SLCO1B3: variants seen among roughly 807,000 people sequenced by gnomAD.
The protein encoded by SLCO1B3 is liver-specific organic anion transporter 2.
In SLCO1B3, 72 loss-of-function variants were observed where a neutral mutation model predicts 71.8. The observed-to-expected ratio is 1.00, with a 90% CI of 0.83 to 1.22. SLCO1B3 has a LOEUF of 1.22. Ranked by LOEUF, SLCO1B3 falls within the 50% of genes most tolerant of loss-of-function variation. The pLI is 0.00. For synonymous variants in SLCO1B3, 298 were observed against 278.4 expected (o/e 1.07, Z -0.70); for missense variants, 911 against 819.7 (o/e 1.11, Z -1.36).
chr12:20,842,818 A>G (rs569749463), intron 3 of SLCO1B3, among the ~76,000 whole-genome samples: 1 of 152,044 alleles, frequency 6.6e-6, no homozygotes, highest in Non-Finnish European at 1.5e-5. Flanking sequence ...TATGGTCTGA[A>G]TATTTGTACT....
At position 20,880,853 on chromosome 12, in the gene SLCO1B3, A is replaced by G; in HGVS notation, c.1332-2A>G. On this transcript the variant is annotated splice_acceptor_variant, in intron 11 of 15. Transcript: ENST00000381545. LOFTEE classifies it high-confidence loss of function. The stretch of plus-strand genomic sequence containing the variant: ...TGATATATTTCTATCATATATTTTC[A>G]GAAATAATTCAGTGGCATCTCATGT... 1 of 1,576,448 alleles carries G rather than the reference A, an allele frequency of 6.3e-7. No individual in the cohort carries two copies. The highest frequency in any genetic ancestry group is 8.7e-7 in the Non-Finnish European group (1 of 1,155,710).
At chr12:20,848,529 C>T (rs1363170061) in intron 3 of SLCO1B3, among the ~76,000 whole-genome samples, 46 of 152,132 alleles carry the variant, frequency 3.0e-4, no homozygotes, top group Admixed American at 3.0e-3. Flanking sequence ...TAAAAGCCTG[C>T]ACACAAGTGT....
chr12:20,832,259 T>G (rs1486527068), intron 3 of SLCO1B3, among the ~76,000 whole-genome samples: 1 of 152,204 alleles, frequency 6.6e-6, no homozygotes, highest in Non-Finnish European at 1.5e-5. Context: ...ACAGACTCAG[T>G]GGATGGAAAT....
In SLCO1B3 at chr12:20,890,068, C is replaced by A. The variant is rs140070430; in HGVS notation, c.1682+6466C>A. Among the ~76,000 whole-genome samples the A allele has an allele frequency of 2.0e-5, 3 of 151,968 alleles. No individual in the cohort carries two copies. In the East Asian group the frequency reaches 5.8e-4, roughly 30 times the overall value. ...TAGTAGCTGGGATTAAAGACCTGTGCCACCACACCCAGCTAATTTTTTTTA... is the reference window on the plus strand; with the variant it reads ...TAGTAGCTGGGATTAAAGACCTGTGACACCACACCCAGCTAATTTTTTTTA... On this transcript the variant is annotated intron_variant, in intron 13 of 15. Coordinates refer to ENST00000381545, the MANE Select transcript of SLCO1B3 (RefSeq NM_019844.4).
chr12:20,855,454 T>C (rs998929989), intron 4 of SLCO1B3, among the ~76,000 whole-genome samples: 8 of 149,306 alleles, frequency 5.4e-5, no homozygotes, highest in Non-Finnish European at 1.2e-4. Context: ...AGTGAGGATG[T>C]TGAAAAACTC....
chr12:20,908,912 A>G (rs1029703354), intron 15 of SLCO1B3, among the ~76,000 whole-genome samples: 5 of 152,206 alleles, frequency 3.3e-5, no homozygotes, highest in Non-Finnish European at 7.3e-5. Flanking sequence ...CCAAAGTGCA[A>G]TTACTTGATC....
chr12:20,835,924 G>A (rs1459261563), intron 3 of SLCO1B3, among the ~76,000 whole-genome samples: 1 of 152,146 alleles, frequency 6.6e-6, no homozygotes, highest in Non-Finnish European at 1.5e-5. Context: ...AAGAAACACT[G>A]AAGACTGGGT....
intron 3 of SLCO1B3, among the ~76,000 whole-genome samples, chr12:20,850,439 C>G (rs1865002669): frequency 6.6e-6 from 1 of 151,776 alleles, no homozygotes. Flanking sequence ...ACCACCACTC[C>G]CGGCTAATTT....
chr12:20,876,772 A>G (rs1865587858), intron 9 of SLCO1B3, among the ~76,000 whole-genome samples: 1 of 152,174 alleles, frequency 6.6e-6, no homozygotes, highest in Non-Finnish European at 1.5e-5. Context: ...AAAACAGCGT[A>G]TCAAGGATTT....
chr12:20,847,011 C>G (rs577292604), intron 3 of SLCO1B3, among the ~76,000 whole-genome samples: 227 of 152,084 alleles, frequency 1.5e-3, no homozygotes, highest in Non-Finnish European at 2.7e-3. Context: ...AAGCAGAGAG[C>G]TGGAGGTTGG....
intron 8 of SLCO1B3, among the ~76,000 whole-genome samples, chr12:20,864,255 G>A (rs1197893043): frequency 6.6e-6 from 1 of 151,776 alleles, no homozygotes; most frequent in Non-Finnish European, 1.5e-5. Context: ...TCAAGAGCAT[G>A]CCTTTATTGT....
At chr12:20,850,318 C>T (rs1292256501) in intron 3 of SLCO1B3, among the ~76,000 whole-genome samples, 8 of 150,478 alleles carry the variant, frequency 5.3e-5, no homozygotes, top group South Asian at 2.1e-4. Flanking sequence ...CTCGCTCTGT[C>T]GCCAAGGCTG....
intron 3 of SLCO1B3, among the ~76,000 whole-genome samples, chr12:20,845,832 A>C (rs1028716365): frequency 3.9e-5 from 6 of 152,158 alleles, no homozygotes; most frequent in African/African-American, 1.4e-4. Context: ...GTTCTCCACT[A>C]TAATTGTGTT....
chr12:20,872,725 T>C (rs1230786064), intron 8 of SLCO1B3, among the ~76,000 whole-genome samples: 1 of 152,106 alleles, frequency 6.6e-6, no homozygotes, highest in East Asian at 1.9e-4. Flanking sequence ...TGCCTAGAAA[T>C]GTTGTCCATG....
intron 5 of SLCO1B3, among the ~76,000 whole-genome samples, chr12:20,860,471 C>A (rs997679797): frequency 6.6e-6 from 1 of 152,032 alleles, no homozygotes; most frequent in South Asian, 2.1e-4. Flanking sequence ...ACTCACAGAG[C>A]GGTTAGTATT....
At chr12:20,881,087 T>G in intron 12 of SLCO1B3, 67 bp downstream of exon 12, 2 of 1,156,854 alleles carry the variant, frequency 1.7e-6, no homozygotes, top group South Asian at 3.2e-5. Flanking sequence ...TAATAAATAC[T>G]TATCAAATCT....
Position 20,880,913 on chromosome 12 carries a change from A to G in SLCO1B3, c.1390A>G (p.Asn464Asp), listed in dbSNP as rs780443920. ...ACTTTCTTATTGCAACTCAGAGTGCAATTGTGATGAAAGTCAGTGGGAACC... is the reference window on the plus strand; with the variant it reads ...ACTTTCTTATTGCAACTCAGAGTGCGATTGTGATGAAAGTCAGTGGGAACC... ...VPLSYCNSECNCDESQWEPVC... is the reference protein window; with the variant it reads ...VPLSYCNSECDCDESQWEPVC... Residue 464 changes from asparagine to aspartate, a missense_variant, in exon 12 of 16, where the codon AAT (asparagine) becomes GAT (aspartate). Transcript: ENST00000381545. The G allele has an allele frequency of 4.3e-6, 7 of 1,611,578 alleles. No homozygotes were observed. In the South Asian group the frequency reaches 5.5e-5, roughly 13 times the overall value.
At chr12:20,814,890 C>T (rs1317948403) in intron 2 of SLCO1B3, among the ~76,000 whole-genome samples, 1 of 47,462 alleles carries the variant, frequency 2.1e-5, no homozygotes, top group East Asian at 5.9e-4. Flanking sequence ...GAGCAAGACT[C>T]CGTCTCAAAA....
chr12:20,897,679 A>C (rs1866041681), intron 13 of SLCO1B3, among the ~76,000 whole-genome samples: 1 of 152,224 alleles, frequency 6.6e-6, no homozygotes, highest in African/African-American at 2.4e-5. Context: ...CCTTTTTATC[A>C]GTTAATTCAA....
Sources: gnomAD v4.1 joint callset for allele counts (sites outside exome capture counted in the v4.1 genomes callset) on GRCh38, gnomAD v4.1.1 for gene constraint, MANE v1.5 for transcripts, NCBI Gene and HGNC (gene_info 2026-07-23, HGNC 2026-07-21) for gene names.